Variants in WDR7 observed in about 807,000 individuals in gnomAD.
WDR7 encodes the protein WD repeat domain 7, also known as WD repeat-containing protein 7.
In WDR7, 46 loss-of-function variants were observed where a neutral mutation model predicts 169.4. The ratio of observed to expected loss-of-function variants is 0.27; its 90% CI spans 0.21 to 0.35. The LOEUF (loss-of-function observed/expected upper bound fraction) is 0.35. Ranked by LOEUF, WDR7 falls within the 10% of genes least tolerant of loss-of-function variation. The probability of loss-of-function intolerance (pLI) is 1.00; values close to 1 mark genes in which losing one functional copy is unlikely to be tolerated. For synonymous variants in WDR7, 612 were observed against 666.8 expected, an observed-to-expected ratio of 0.92 and a Z score of 1.27; for missense variants, 1,534 against 1,859.3, an observed-to-expected ratio of 0.83 and a Z score of 3.22.
At chr18:57,024,287 C>T (rs533527245) in intron 27 of WDR7, among the ~76,000 whole-genome samples, 58 of 152,206 alleles carry the variant, frequency 3.8e-4, no homozygotes, top group South Asian at 1.0e-3. Flanking sequence ...ACTCGAGCAT[C>T]GTTTGTATCC....
intron 20 of WDR7, among the ~76,000 whole-genome samples, chr18:56,842,382 G>A (rs1039882586): frequency 6.6e-6 from 1 of 152,104 alleles, no homozygotes; most frequent in African/African-American, 2.4e-5. Context: ...CTCAATAACA[G>A]CATTAGTCCG....
Position 56,731,310 on chromosome 18 carries a change from C to A in WDR7, c.1775-73C>A, listed in dbSNP as rs116666776. The stretch of plus-strand genomic sequence containing the variant: ...GTTTCTACTTAAAAAATTTTCATAC[C>A]ATTTTTTCTTTACTTAAACTATTCA... On this transcript the variant is annotated intron_variant, in intron 13 of 27. Coordinates refer to ENST00000254442, the MANE Select transcript of WDR7 (RefSeq NM_015285.3). 2.0e-4 allele frequency: 292 copies of A among 1,495,076 alleles called. No homozygotes were observed. In the African/African-American group the frequency reaches 3.8e-3, roughly 20 times the overall value. The allele number at this position is 1,495,076 out of a possible 1,614,324, so 92.6% of individuals were successfully genotyped here.
chr18:56,805,370 A>G (rs2044755654), intron 19 of WDR7, among the ~76,000 whole-genome samples: 1 of 152,100 alleles, frequency 6.6e-6, no homozygotes, highest in Admixed American at 6.6e-5. Flanking sequence ...AGGATTTCAG[A>G]ATTTGGGATT....
chr18:56,920,040 A>AT (rs766516272), intron 21 of WDR7, among the ~76,000 whole-genome samples: 10 of 151,842 alleles, frequency 6.6e-5, no homozygotes, highest in Admixed American at 1.3e-4. Context: ...GTTACACTTC[A>AT]TCCCCCCGCC....
chr18:56,836,105 A>G, intron 20 of WDR7, among the ~76,000 whole-genome samples: 1 of 152,250 alleles, frequency 6.6e-6, no homozygotes, highest in South Asian at 2.1e-4. Flanking sequence ...CAAAGTAGTC[A>G]TGTAAACTAT....
intron 13 of WDR7, among the ~76,000 whole-genome samples, chr18:56,727,940 G>A (rs1479655967): frequency 1.3e-5 from 2 of 152,058 alleles, no homozygotes; most frequent in East Asian, 3.9e-4. Flanking sequence ...AATTATGCAT[G>A]GTTAGTTCTA....
intron 20 of WDR7, among the ~76,000 whole-genome samples, chr18:56,869,999 C>A (rs567517411): frequency 2.0e-5 from 3 of 152,124 alleles, no homozygotes; most frequent in Non-Finnish European, 2.9e-5. Flanking sequence ...GGATTCACCA[C>A]CAGGACAGCG....
At chr18:56,883,688 A>G (rs1343291632) in intron 21 of WDR7, among the ~76,000 whole-genome samples, 1 of 151,878 alleles carries the variant, frequency 6.6e-6, no homozygotes, top group East Asian at 1.9e-4. Context: ...TGAATCCTGA[A>G]TGTCCATTGT....
intron 21 of WDR7, among the ~76,000 whole-genome samples, chr18:56,892,425 A>G (rs2046276486): frequency 6.6e-6 from 1 of 152,076 alleles, no homozygotes; most frequent in African/African-American, 2.4e-5. Flanking sequence ...TTTTCCACAC[A>G]TGTTCAGCTT....
At chr18:56,689,147 C>T (rs1598963306) in intron 7 of WDR7, among the ~76,000 whole-genome samples, 1 of 152,172 alleles carries the variant, frequency 6.6e-6, no homozygotes, top group Non-Finnish European at 1.5e-5. Context: ...TACTACAACC[C>T]ACCAGAATGG....
At chr18:56,804,017 C>T (rs1315870245) in intron 19 of WDR7, among the ~76,000 whole-genome samples, 2 of 152,148 alleles carry the variant, frequency 1.3e-5, no homozygotes, top group African/African-American at 2.4e-5. Context: ...AGGCAGGACT[C>T]GAACTCCTGG....
At chr18:56,879,882 A>G (rs1345306326) in intron 20 of WDR7, 62 bp from the exon 21 acceptor site, 10 of 1,364,668 alleles carry the variant, frequency 7.3e-6, no homozygotes, top group Non-Finnish European at 1.0e-5. Flanking sequence ...ATGTTTTTCT[A>G]ATCATGTGTC....
intron 16 of WDR7, among the ~76,000 whole-genome samples, chr18:56,765,624 A>G (rs1284293586): frequency 6.6e-6 from 1 of 152,170 alleles, no homozygotes; most frequent in African/African-American, 2.4e-5. Flanking sequence ...TGTGTTTAAC[A>G]GTAATTATAT....
chr18:56,863,216 T>A (rs1046827932), intron 20 of WDR7, among the ~76,000 whole-genome samples: 1 of 151,864 alleles, frequency 6.6e-6, no homozygotes, highest in African/African-American at 2.4e-5. Context: ...ATCTCTTTTC[T>A]TATTTTTACC....
intron 26 of WDR7, among the ~76,000 whole-genome samples, chr18:56,993,711 G>A (rs918904185): frequency 9.2e-5 from 14 of 152,150 alleles, no homozygotes; most frequent in African/African-American, 3.4e-4. Context: ...GGTGGGATGC[G>A]GGAGGGAGAT....
intron 14 of WDR7, among the ~76,000 whole-genome samples, chr18:56,735,570 T>G (rs557634340): frequency 9.2e-5 from 14 of 152,308 alleles, no homozygotes; most frequent in African/African-American, 3.4e-4. Context: ...GTCATTTGAT[T>G]TTTTTCAGAT....
intron 20 of WDR7, among the ~76,000 whole-genome samples, chr18:56,823,268 C>A (rs1021123119): frequency 2.6e-5 from 4 of 152,048 alleles, no homozygotes; most frequent in Non-Finnish European, 5.9e-5. Context: ...CCTGTAGATA[C>A]CTAAATACCA....
At position 56,842,938 on chromosome 18, in the gene WDR7, G is replaced by T. The variant is rs544706102; in HGVS notation, c.3304+26794G>T. 2.0e-5 allele frequency among the ~76,000 whole-genome samples: 3 copies of T among 152,224 alleles called. No individual in the cohort carries two copies. In the South Asian group the frequency reaches 6.2e-4, roughly 32 times the overall value. ...ATTACAGACATTTTACACCAAAAAA[G>T]AATTAACCTGCTGCCTATTGCTTCT... On this transcript the variant is annotated intron_variant, in intron 20 of 27. Coordinates refer to ENST00000254442, the MANE Select transcript of WDR7 (RefSeq NM_015285.3).
intron 27 of WDR7, among the ~76,000 whole-genome samples, chr18:57,026,317 A>T (rs756358759): frequency 1.1e-4 from 17 of 152,378 alleles, no homozygotes; most frequent in Middle Eastern, 6.8e-3. Flanking sequence ...ATTGATAAAA[A>T]GGTATTGTCA....
Sources: allele counts gnomAD v4.1 joint callset (sites outside exome capture counted in the v4.1 genomes callset), GRCh38; gene constraint gnomAD v4.1.1; transcripts MANE v1.5; gene names NCBI Gene and HGNC (gene_info 2026-07-23, HGNC 2026-07-21).